Variants in SLC9C2 observed in about 807,000 individuals in gnomAD.
The protein encoded by SLC9C2 is solute carrier family 9 member C2 (putative), also known as sodium/hydrogen exchanger 11.
SLC9C2 carries 75 observed loss-of-function variants against 140.2 expected under a neutral mutation model. The observed-to-expected ratio is 0.53, with a 90% CI of 0.44 to 0.65. The LOEUF (loss-of-function observed/expected upper bound fraction) is 0.65. Among genes scored for constraint, SLC9C2 ranks in the 30% least tolerant of loss-of-function variants. The probability of loss-of-function intolerance (pLI) is 0.00; values close to 1 mark genes in which losing one functional copy is unlikely to be tolerated. For missense variants in SLC9C2, 1,074 were observed against 1,331.8 expected (o/e 0.81, Z 3.01); for synonymous variants, 375 against 420.9 (o/e 0.89, Z 1.34).
intron 9 of SLC9C2, among the ~76,000 whole-genome samples, chr1:173,560,266 G>A (rs1341861477): frequency 6.6e-6 from 1 of 152,152 alleles, no homozygotes; most frequent in Admixed American, 6.5e-5. Context: ...CTTTTATAGT[G>A]GATATTGTGG....
chr1:173,564,965 T>TTC, intron 9 of SLC9C2, among the ~76,000 whole-genome samples: 1 of 135,776 alleles, frequency 7.4e-6, no homozygotes, highest in African/African-American at 2.7e-5. Context: ...TTTTTTTCTT[T>TTC]TTCTTTTTTT....
Position 173,581,878 on chromosome 1 carries a change from G to A in SLC9C2, c.771C>T (p.Cys257=). The part of the protein sequence containing the change: ...FSNMLTNIIL[C]FSMVYMTFYI... ...AGAAAGTCATGTACACCATTGAAAA[G>A]CAGAGAATGATATTAGTCAGCATAT... The change falls in exon 7 of 28, where the codon TGC becomes TGT. Residue 257 remains cysteine (C), a synonymous_variant. Coordinates refer to ENST00000367714, the MANE Select transcript of SLC9C2 (RefSeq NM_178527.4). 1.3e-6 allele frequency: 2 copies of A among 1,592,894 alleles called. No homozygotes were observed.
chr1:173,519,789 T>C (rs1240585995), intron 22 of SLC9C2, among the ~76,000 whole-genome samples: 1 of 152,176 alleles, frequency 6.6e-6, no homozygotes, highest in Non-Finnish European at 1.5e-5. Context: ...ATCTTTGGCC[T>C]CTGAGTATGT....
At chr1:173,587,054 G>A (rs1665895759) in intron 5 of SLC9C2, among the ~76,000 whole-genome samples, 1 of 151,982 alleles carries the variant, frequency 6.6e-6, no homozygotes, top group Non-Finnish European at 1.5e-5. Flanking sequence ...CTGACAATAG[G>A]GGGATATTTC....
chr1:173,559,576 C>G (rs758827368), intron 9 of SLC9C2, among the ~76,000 whole-genome samples: 3 of 152,242 alleles, frequency 2.0e-5, no homozygotes, highest in African/African-American at 7.2e-5. Context: ...CCATTTGACC[C>G]TAGGTTTGAG....
At chr1:173,602,502 T>C (rs184448443) in intron 1 of SLC9C2, among the ~76,000 whole-genome samples, 44 of 152,216 alleles carry the variant, frequency 2.9e-4, no homozygotes, top group African/African-American at 9.4e-4. Flanking sequence ...TTGAGTGAAT[T>C]AGAAAAAGGC....
chr1:173,596,084 A>G (rs1242891954), intron 4 of SLC9C2, among the ~76,000 whole-genome samples: 2 of 152,148 alleles, frequency 1.3e-5, no homozygotes, highest in Non-Finnish European at 2.9e-5. Context: ...ATGCATTTTA[A>G]ATTCTTCCTT....
At chr1:173,547,474 AC>A (rs1662932560) in intron 13 of SLC9C2, among the ~76,000 whole-genome samples, 5 of 151,344 alleles carry the variant, frequency 3.3e-5, no homozygotes, top group Admixed American at 6.6e-5. Context: ...AATTTGCCAG[AC>A]ATAGAAACAG....
At chr1:173,575,979 G>A (rs1004073911) in intron 8 of SLC9C2, among the ~76,000 whole-genome samples, 3 of 152,090 alleles carry the variant, frequency 2.0e-5, no homozygotes, top group South Asian at 2.1e-4. Flanking sequence ...AAAGTAGAAC[G>A]GACATAATTT....
intron 4 of SLC9C2, among the ~76,000 whole-genome samples, chr1:173,593,205 AC>A (rs1266706602): frequency 5.9e-5 from 9 of 152,150 alleles, no homozygotes; most frequent in Non-Finnish European, 1.3e-4. Context: ...CAACACAATG[AC>A]AGGATCAAAT....
chr1:173,554,602 T>A, intron 11 of SLC9C2, 131 bp downstream of exon 11: 1 of 670,680 alleles, frequency 1.5e-6, no homozygotes, highest in Non-Finnish European at 2.7e-6. Flanking sequence ...TCTAAATATA[T>A]GAATAAATGA....
At chr1:173,583,442 T>A (rs574276768) in intron 6 of SLC9C2, 64 bp downstream of exon 6, 20 of 930,018 alleles carry the variant, frequency 2.2e-5, no homozygotes, top group African/African-American at 3.4e-5. Context: ...GTTAAAACAT[T>A]TGAATGTATT....
intron 21 of SLC9C2, among the ~76,000 whole-genome samples, chr1:173,521,774 G>T (rs1260556616): frequency 6.7e-6 from 1 of 148,696 alleles, no homozygotes; most frequent in Non-Finnish European, 1.5e-5. Context: ...GGGTTATAAT[G>T]GTAAGCTAAA....
chr1:173,548,325 T>C, intron 12 of SLC9C2, 64 bp downstream of exon 12: 5 of 1,500,064 alleles, frequency 3.3e-6, no homozygotes, highest in Non-Finnish European at 4.5e-6. Flanking sequence ...AACAATAGGC[T>C]AAAGCAAGTG....
intron 1 of SLC9C2, among the ~76,000 whole-genome samples, chr1:173,602,068 A>G (rs1198854477): frequency 2.6e-5 from 4 of 152,168 alleles, no homozygotes; most frequent in South Asian, 2.1e-4. Flanking sequence ...TTACATGTAT[A>G]TGGGAGAGGG....
intron 6 of SLC9C2, among the ~76,000 whole-genome samples, chr1:173,582,291 C>A (rs1265488709): frequency 6.6e-6 from 1 of 152,096 alleles, no homozygotes; most frequent in African/African-American, 2.4e-5. Flanking sequence ...AAACTTGTGA[C>A]AAATGGGTTT....
Position 173,581,827 on chromosome 1 carries a change from T to G in SLC9C2, c.802+20A>C. 6.7e-7 allele frequency: 1 copy of G among 1,494,856 alleles called. No individual in the cohort carries two copies. Among genetic ancestry groups the G allele is most frequent in the Non-Finnish European group, 9.0e-7 (1 of 1,112,650 alleles). The allele number at this position is 1,494,856 out of a possible 1,614,324, so 92.6% of individuals were successfully genotyped here. A position where few individuals can be genotyped will look rare whatever the true frequency, so the allele number is the denominator to read the frequency against. ...AACTTACTTTAAGGACAGTAATTTT[T>G]GTATTTATTTCAGCCTTACCAATAT... On this transcript the variant is annotated intron_variant, in intron 7 of 27. Coordinates refer to ENST00000367714, the MANE Select transcript of SLC9C2 (RefSeq NM_178527.4).
rs538125592 is a variant in SLC9C2, at chr1:173,583,515, T to C, written c.631A>G (p.Ile211Val). 3.4e-4 allele frequency: 544 copies of C among 1,587,016 alleles called. 5 individuals carry two copies. In the South Asian group the frequency reaches 5.9e-3, roughly 17 times the overall value. ...CAAAAAATGCTCCTACCTCTAAAAA[T>C]AGAAAAGTGGATTCTGTTGCCCCGA... ...NFRGNRIHFS[I>V]FRDLHVGIEL... The change falls in exon 6 of 28, where the codon ATT (isoleucine) becomes GTT (valine). Residue 211 changes from isoleucine (I) to valine (V), a missense_variant. Transcript: ENST00000367714.
At position 173,503,305 on chromosome 1, in the gene SLC9C2, T is replaced by C; in HGVS notation, c.3332A>G (p.Glu1111Gly). The C allele has an allele frequency of 6.2e-7, 1 of 1,613,928 alleles. No individual in the cohort carries two copies. Among genetic ancestry groups the C allele is most frequent in the Non-Finnish European group, 8.5e-7 (1 of 1,179,932 alleles). Residue 1111 changes from glutamate to glycine, a missense_variant, in exon 27 of 28, where the codon GAA (glutamate) becomes GGA (glycine). Transcript: ENST00000367714. ...TCCATTTATATTCTTTCCTGGTTGT[T>C]CAAAGACCGTGTTGACTGAGGCTAA... Reference protein sequence around the residue: ...NVMASVNTVFEQPGKNINGRQ... With the variant: ...NVMASVNTVFGQPGKNINGRQ...
Sources: gnomAD v4.1 joint callset for allele counts (sites outside exome capture counted in the v4.1 genomes callset) on GRCh38, gnomAD v4.1.1 for gene constraint, MANE v1.5 for transcripts, NCBI Gene and HGNC (gene_info 2026-07-23, HGNC 2026-07-21) for gene names.